Variants in BEST3 observed in about 807,000 individuals in gnomAD.
BEST3 encodes the protein bestrophin 3.
BEST3 carries 50 observed loss-of-function variants against 47.1 expected under a neutral mutation model. That is an observed-to-expected ratio of 1.06 (90% CI 0.85 to 1.34). The LOEUF is 1.34. Among genes scored for constraint, BEST3 ranks in the 40% most tolerant of loss-of-function variants. BEST3 has a pLI of 0.00. For synonymous variants in BEST3, 282 were observed against 298.8 expected, an observed-to-expected ratio of 0.94 and a Z score of 0.58; for missense variants, 765 against 817.0, an observed-to-expected ratio of 0.94 and a Z score of 0.78.
At chr12:69,677,626 C>G (rs1444531093) in intron 5 of BEST3, among the ~76,000 whole-genome samples, 1 of 152,076 alleles carries the variant, frequency 6.6e-6, no homozygotes, top group East Asian at 1.9e-4. Flanking sequence ...ACAAAAAATA[C>G]ATAAATTAGC....
In BEST3 at chr12:69,693,815, C is replaced by T; in HGVS notation, c.340G>A (p.Val114Ile). Residue 114 changes from valine to isoleucine, a missense_variant, in exon 4 of 10, where the codon GTT becomes ATT. Coordinates refer to ENST00000330891, the MANE Select transcript of BEST3 (RefSeq NM_032735.3). The part of the protein sequence containing the change: ...DRLMFLISSS[V>I]HGSDEHGRLL... ...CGCCCGTGCTCGTCGCTTCCGTGAA[C>T]ACTGCTAGAGATGAGGAACATTAGC... The T allele has an allele frequency of 6.2e-7, 1 of 1,614,166 alleles. No individual in the cohort carries two copies.
intron 9 of BEST3, among the ~76,000 whole-genome samples, chr12:69,664,349 G>A (rs546048359): frequency 6.6e-6 from 1 of 152,188 alleles, no homozygotes; most frequent in South Asian, 2.1e-4. Flanking sequence ...TGCTTTCCTG[G>A]CTGCACAGGC....
chr12:69,646,867 G>A (rs1883053451), intron 9 of BEST3, among the ~76,000 whole-genome samples: 1 of 152,174 alleles, frequency 6.6e-6, no homozygotes, highest in African/African-American at 2.4e-5. Flanking sequence ...CAGTAAACAT[G>A]TGGATTAATA....
chr12:69,647,397 A>G (rs188846842), intron 9 of BEST3, among the ~76,000 whole-genome samples: 73 of 152,122 alleles, frequency 4.8e-4, no homozygotes, highest in African/African-American at 1.4e-3. Context: ...AAACGTCACC[A>G]CTCACAGGTA....
rs772384798 is a variant in BEST3 at position 69,693,807 on chromosome 12, T to C, written c.348A>G (p.Gly116=). The C allele has an allele frequency of 1.2e-6, 2 of 1,614,158 alleles. No individual in the cohort carries two copies. The highest frequency in any genetic ancestry group is 2.2e-5 in the South Asian group (2 of 91,078). Residue 116 remains glycine (G), a synonymous_variant, in exon 4 of 10, where the codon GGA becomes GGG. Coordinates refer to ENST00000330891, the MANE Select transcript of BEST3 (RefSeq NM_032735.3). ...TAAGCAGGCGCCCGTGCTCGTCGCT[T>C]CCGTGAACACTGCTAGAGATGAGGA... ...LMFLISSSVH[G]SDEHGRLLRR... is the part of the protein sequence containing the mutation.
chr12:69,677,533 C>A (rs1884997842), intron 5 of BEST3, among the ~76,000 whole-genome samples: 1 of 152,200 alleles, frequency 6.6e-6, no homozygotes, highest in Non-Finnish European at 1.5e-5. Context: ...ATAATCCCAG[C>A]ACTTAGGGAG....
At chr12:69,667,709 G>A (rs1282823109) in intron 9 of BEST3, among the ~76,000 whole-genome samples, 3 of 152,136 alleles carry the variant, frequency 2.0e-5, no homozygotes, top group Admixed American at 6.6e-5. Context: ...AAGGCTGAGC[G>A]TTTCTCCACT....
At chr12:69,653,399 G>A (rs1883276435), downstream of BEST3, among the ~76,000 whole-genome samples, 1 of 152,230 alleles carries the variant, frequency 6.6e-6, no homozygotes, top group Non-Finnish European at 1.5e-5. Flanking sequence ...GCACAGGGCA[G>A]TGAGAAAGCA....
At chr12:69,665,491 G>T (rs983877061) in intron 9 of BEST3, among the ~76,000 whole-genome samples, 3 of 152,186 alleles carry the variant, frequency 2.0e-5, no homozygotes, top group African/African-American at 7.2e-5. Context: ...TACTTGGGAG[G>T]CTGAGGCAGG....
intron 4 of BEST3, among the ~76,000 whole-genome samples, chr12:69,686,779 C>CAAACAAAAAAAAAACA (rs1555208519): frequency 6.0e-5 from 6 of 99,382 alleles, no homozygotes; most frequent in African/African-American, 2.4e-4. Context: ...CTCAAAAAAA[C>CAAACAAAAAAAAAACA]AAAAAAAAAA....
Position 69,697,825 on chromosome 12 carries a change from A to C in BEST3, c.-15-12T>G. On this transcript the variant is annotated splice_polypyrimidine_tract_variant and intron_variant, in intron 1 of 9. Coordinates refer to ENST00000330891, the MANE Select transcript of BEST3 (RefSeq NM_032735.3). ...TTGGATAGTTTTTTCTAGAAGAGCA[A>C]GAAGACAAAACACAAGTAAAAAGCA... The C allele has an allele frequency of 6.3e-7, 1 of 1,592,890 alleles. No individual in the cohort carries two copies. Among genetic ancestry groups the C allele is most frequent in the African/African-American group, 1.4e-5 (1 of 73,730 alleles).
intron 4 of BEST3, chr12:69,687,383 A>G (rs1220138825): frequency 6.6e-6 from 1 of 152,372 alleles, no homozygotes; most frequent in Non-Finnish European, 1.5e-5. Flanking sequence ...CAGAAATCCC[A>G]GCCCTTTGGG....
At chr12:69,689,299 C>G in intron 4 of BEST3, 1 of 983,494 alleles carries the variant, frequency 1.0e-6, no homozygotes, top group Non-Finnish European at 1.2e-6. Context: ...GCAGGAAGTT[C>G]AGTGAGTCAG....
chr12:69,644,153 G>A (rs374889932), intron 9 of BEST3, among the ~76,000 whole-genome samples: 2 of 152,138 alleles, frequency 1.3e-5, no homozygotes, highest in Admixed American at 1.3e-4. Flanking sequence ...CTCTAGGGTT[G>A]GGCTATATCC....
At chr12:69,656,335 T>A (rs957043207) in intron 9 of BEST3, among the ~76,000 whole-genome samples, 6 of 150,928 alleles carry the variant, frequency 4.0e-5, no homozygotes, top group African/African-American at 1.5e-4. Context: ...ACTTGGACAT[T>A]AAGAAATATC....
At chr12:69,699,090 C>G in intron 1 of BEST3, 115 bp downstream of exon 1, 49 of 552,008 alleles carry the variant, frequency 8.9e-5, no homozygotes, top group Non-Finnish European at 9.9e-5. Context: ...CCTTAATTAA[C>G]TTTCCTTTCT....
intron 9 of BEST3, among the ~76,000 whole-genome samples, chr12:69,645,797 G>GTTATCCTAAGTACCCAATAGTTGT (rs11417415): frequency 6.6e-6 from 1 of 151,850 alleles, no homozygotes; most frequent in African/African-American, 2.4e-5. Context: ...CCCAATAGTT[G>GTTATCCTAAGTACCCAATAGTTGT]TAACCCTCCC....
chr12:69,651,051 A>C (rs543756672), downstream of BEST3, among the ~76,000 whole-genome samples: 1 of 152,350 alleles, frequency 6.6e-6, no homozygotes, highest in East Asian at 1.9e-4. Context: ...GTTCAAGGCC[A>C]GCCTGGGCAA....
At chr12:69,676,458 TGGGAC>T (rs1011422678) in intron 7 of BEST3, among the ~76,000 whole-genome samples, 3 of 151,792 alleles carry the variant, frequency 2.0e-5, no homozygotes, top group Non-Finnish European at 4.4e-5. Flanking sequence ...CTTAATGTTG[TGGGAC>T]ACCTAGCAGA....
Sources: gnomAD v4.1 joint callset for allele counts (sites outside exome capture counted in the v4.1 genomes callset) on GRCh38, gnomAD v4.1.1 for gene constraint, MANE v1.5 for transcripts, NCBI Gene and HGNC (gene_info 2026-07-23, HGNC 2026-07-21) for gene names.